Variants in CHD1L observed in about 807,000 individuals in gnomAD.
CHD1L encodes the protein ATP-dependent chromatin remodeler CHD1L.
Under a neutral mutation model 115.9 loss-of-function variants are expected in CHD1L, and 118 were observed. The observed-to-expected ratio is 1.02, with a 90% CI of 0.88 to 1.19. CHD1L has a LOEUF of 1.19. Among genes scored for constraint, CHD1L ranks in the 50% most tolerant of loss-of-function variants. The pLI, the probability that CHD1L is intolerant of heterozygous loss-of-function variation, is 0.00. For missense variants in CHD1L, 1,179 were observed against 1,065.3 expected (o/e 1.11, Z -1.49); for synonymous variants, 411 against 387.1 (o/e 1.06, Z -0.72).
At chr1:147,275,069 C>T (rs782757956) in intron 12 of CHD1L, among the ~76,000 whole-genome samples, 1 of 152,188 alleles carries the variant, frequency 6.6e-6, no homozygotes, top group South Asian at 2.1e-4. Flanking sequence ...GATAAAGTGG[C>T]TCCATGGCAC....
the CHD1L span, among the ~76,000 whole-genome samples, chr1:147,207,980 T>C: frequency 6.6e-6 from 1 of 152,276 alleles, no homozygotes; most frequent in South Asian, 2.1e-4. Context: ...TCAGCTTCTT[T>C]CTTCAGCCTC....
chr1:147,178,711 G>T, the CHD1L span: 4 of 1,570,086 alleles, frequency 2.5e-6, no homozygotes, highest in Non-Finnish European at 2.6e-6. Flanking sequence ...TGATGATAAC[G>T]GAGATGGTAT....
the CHD1L span, chr1:147,176,375 G>A: frequency 1.3e-5 from 2 of 152,140 alleles, no homozygotes; most frequent in African/African-American, 4.8e-5. Flanking sequence ...TCTATCATGT[G>A]ATCCTCAGAA....
chr1:147,285,513 G>A (rs782089829), intron 17 of CHD1L, 26 bp downstream of exon 17: 15 of 1,596,918 alleles, frequency 9.4e-6, no homozygotes, highest in African/African-American at 6.8e-5. Context: ...CCAAGCTGGC[G>A]GCCACAGTTG....
At chr1:147,282,484 C>A (rs1392226263) in intron 15 of CHD1L, among the ~76,000 whole-genome samples, 1 of 152,162 alleles carries the variant, frequency 6.6e-6, no homozygotes, top group Non-Finnish European at 1.5e-5. Context: ...TGGCTAGGCA[C>A]CTGTGTTTTG....
At chr1:147,291,375 G>T in intron 19 of CHD1L, 107 bp from the exon 20 acceptor site, 2 of 880,556 alleles carry the variant, frequency 2.3e-6, no homozygotes, top group South Asian at 1.4e-5. Context: ...TGTGTAGGAA[G>T]GTGGGTCCTG....
the CHD1L span, chr1:147,224,129 C>CTA: frequency 9.3e-6 from 3 of 322,328 alleles, no homozygotes; most frequent in South Asian, 7.8e-5. Flanking sequence ...ATTGGGATGT[C>CTA]TAGTCCACAG....
chr1:147,179,006 A>C, the CHD1L span: 6 of 1,613,976 alleles, frequency 3.7e-6, no homozygotes, highest in Non-Finnish European at 5.1e-6. Flanking sequence ...CACAAACTCA[A>C]CTTTGCTGTA....
chr1:147,197,952 G>C, the CHD1L span, among the ~76,000 whole-genome samples: 1 of 152,176 alleles, frequency 6.6e-6, no homozygotes, highest in Non-Finnish European at 1.5e-5. Context: ...ATCTTCCAAG[G>C]GTTCCAAGAC....
the CHD1L span, chr1:147,208,444 C>CTTTTCTTT: frequency 6.9e-6 from 1 of 145,584 alleles, no homozygotes; most frequent in African/African-American, 2.5e-5. Flanking sequence ...CTTTTCTTTT[C>CTTTTCTTT]TTTTTTTTTT....
intron 19 of CHD1L, among the ~76,000 whole-genome samples, 173 bp from the exon 20 acceptor site, chr1:147,291,309 A>T (rs1290408414): frequency 2.0e-5 from 3 of 152,180 alleles, no homozygotes; most frequent in Non-Finnish European, 4.4e-5. Flanking sequence ...TTCAGGAGTG[A>T]AGCAGGTGAG....
At chr1:147,264,975 C>T (rs1673317822) in intron 7 of CHD1L, among the ~76,000 whole-genome samples, 1 of 152,202 alleles carries the variant, frequency 6.6e-6, no homozygotes, top group African/African-American at 2.4e-5. Flanking sequence ...TACTACAGCA[C>T]TGGTATTTCT....
intron 12 of CHD1L, among the ~76,000 whole-genome samples, chr1:147,273,685 T>C (rs1396524049): frequency 6.6e-6 from 1 of 152,240 alleles, no homozygotes; most frequent in African/African-American, 2.4e-5. Flanking sequence ...GCATTATGTT[T>C]GAAATGTCTA....
At chr1:147,270,679 A>G (rs1028142623) in intron 10 of CHD1L, among the ~76,000 whole-genome samples, 4 of 152,142 alleles carry the variant, frequency 2.6e-5, no homozygotes, top group African/African-American at 9.7e-5. Context: ...CCCCTGTTGC[A>G]TTGACACGTC....
chr1:147,229,288 T>C, the CHD1L span, among the ~76,000 whole-genome samples: 1 of 152,170 alleles, frequency 6.6e-6, no homozygotes, highest in Non-Finnish European at 1.5e-5. Flanking sequence ...TTTCTTGTTT[T>C]TGTGAGGTTT....
At chr1:147,210,348 T>C in the CHD1L span, 1 of 152,236 alleles carries the variant, frequency 6.6e-6, no homozygotes, top group African/African-American at 2.4e-5. Context: ...AGATTTGATA[T>C]GCAGTTACCT....
intron 14 of CHD1L, among the ~76,000 whole-genome samples, chr1:147,276,864 T>A (rs587649284): frequency 2.6e-5 from 4 of 152,264 alleles, no homozygotes; most frequent in Non-Finnish European, 4.4e-5. Flanking sequence ...GGATGCTTTG[T>A]TTTTGCCCTA....
the CHD1L span, among the ~76,000 whole-genome samples, chr1:147,214,273 G>A: frequency 5.3e-5 from 8 of 152,048 alleles, no homozygotes; most frequent in South Asian, 4.2e-4. Flanking sequence ...CCAACATGGC[G>A]AAACCCCGTC....
the CHD1L span, chr1:147,173,549 G>A: frequency 1.3e-5 from 2 of 152,264 alleles, no homozygotes; most frequent in Non-Finnish European, 2.9e-5. Context: ...ACATCAGAAG[G>A]AACACTAAAG....
Sources: allele counts gnomAD v4.1 joint callset (sites outside exome capture counted in the v4.1 genomes callset), GRCh38; gene constraint gnomAD v4.1.1; transcripts MANE v1.5; gene names NCBI Gene and HGNC (gene_info 2026-07-23, HGNC 2026-07-21).